The following SLC22A23 variants were observed in gnomAD, a reference collection of about 807,000 sequenced individuals.
SLC22A23 encodes the protein solute carrier family 22 member 23.
Under a neutral mutation model 61.0 loss-of-function variants are expected in SLC22A23, and 26 were observed. That is an observed-to-expected ratio of 0.43 (90% CI 0.31 to 0.59). The LOEUF is 0.59. Ranked by LOEUF, SLC22A23 falls within the 20% of genes least tolerant of loss-of-function variation. The pLI, the probability that SLC22A23 is intolerant of heterozygous loss-of-function variation, is 0.11. For synonymous variants in SLC22A23, 430 were observed against 413.9 expected (o/e 1.04, Z -0.47); for missense variants, 796 against 934.7 (o/e 0.85, Z 1.94).
intron 3 of SLC22A23, among the ~76,000 whole-genome samples, chr6:3,341,745 C>G (rs974292494): frequency 7.0e-6 from 1 of 143,414 alleles, no homozygotes; most frequent in African/African-American, 2.6e-5. Flanking sequence ...CATTGGTCAT[C>G]TGTTGTGACC....
intron 1 of SLC22A23, among the ~76,000 whole-genome samples, chr6:3,417,802 TG>T (rs1220102250): frequency 1.3e-5 from 2 of 152,234 alleles, no homozygotes; most frequent in East Asian, 3.8e-4. Context: ...GCAAAAACGC[TG>T]TGGGAACCAT....
At chr6:3,428,730 T>A (rs1770666153) in intron 1 of SLC22A23, among the ~76,000 whole-genome samples, 1 of 152,220 alleles carries the variant, frequency 6.6e-6, no homozygotes, top group South Asian at 2.1e-4. Context: ...AACTGGACTC[T>A]CCTCCCTGTC....
chr6:3,280,958 T>C (rs574569116), intron 9 of SLC22A23, among the ~76,000 whole-genome samples: 6 of 152,262 alleles, frequency 3.9e-5, no homozygotes, highest in Admixed American at 2.0e-4. Context: ...GTCCGACTTA[T>C]GATCTAGAAA....
At chr6:3,295,794 G>A (rs1761037662) in intron 5 of SLC22A23, among the ~76,000 whole-genome samples, 1 of 152,188 alleles carries the variant, frequency 6.6e-6, no homozygotes, top group Non-Finnish European at 1.5e-5. Context: ...GTGGAAGAGA[G>A]CAGAGTCCAC....
At chr6:3,287,964 T>C (rs34398572) in intron 6 of SLC22A23, among the ~76,000 whole-genome samples, 9,212 of 152,212 alleles carry the variant, frequency 0.061, 616 homozygotes, top group African/African-American at 0.17. Flanking sequence ...GGATTACAGG[T>C]GTGAGCCACC....
intron 1 of SLC22A23, among the ~76,000 whole-genome samples, chr6:3,449,085 G>A (rs1772051114): frequency 6.6e-6 from 1 of 152,210 alleles, no homozygotes. Flanking sequence ...TTAGGACGTT[G>A]TTACAAGCAA....
At position 3,452,599 on chromosome 6, in the gene SLC22A23, T is replaced by TAAAAAA. The variant is rs570923626; in HGVS notation, c.654+3301_654+3306dup. 2.2e-4 allele frequency among the ~76,000 whole-genome samples: 9 copies of TAAAAAA among 40,560 alleles called. 1 individual carries two copies. The highest frequency in any genetic ancestry group is 9.6e-4 in the East Asian group (1 of 1,040). The allele number at this position is 40,560 out of a possible 152,430, so 26.6% of individuals were successfully genotyped here. A position where few individuals can be genotyped will look rare whatever the true frequency, so the allele number is the denominator to read the frequency against. ...CTGGGCAACAGAGCCAGACGCTGTC[T>TAAAAAA]AAAAAAAAAAAAAAAAAAAAAAAAA... On this transcript the variant is annotated intron_variant, in intron 1 of 9. Coordinates refer to ENST00000406686, the MANE Select transcript of SLC22A23 (RefSeq NM_015482.2).
chr6:3,439,213 T>TC (rs1771425357), intron 1 of SLC22A23: 4 of 371,984 alleles, frequency 1.1e-5, no homozygotes, highest in South Asian at 8.2e-5. Context: ...AGTAGCACCC[T>TC]CCCCCCATGC....
intron 4 of SLC22A23, among the ~76,000 whole-genome samples, chr6:3,298,743 C>A (rs371093433): frequency 6.6e-6 from 1 of 151,924 alleles, no homozygotes. Flanking sequence ...GAGGCCGAGG[C>A]GGGTGGATCA....
At position 3,318,925 on chromosome 6, in the gene SLC22A23, C is replaced by T. The variant is rs1762793252; in HGVS notation, c.1082+4909G>A. Among the ~76,000 whole-genome samples, 1 of 152,180 alleles carries T rather than the reference C, an allele frequency of 6.6e-6. No individual in the cohort carries two copies. Among genetic ancestry groups the T allele is most frequent in the Non-Finnish European group, 1.5e-5 (1 of 68,028 alleles). ...CCTCAGATCCATCAGCAAGTCTCAC[C>T]AGGGCCACTCTCAAAGCATCTCTCG... On this transcript the variant is annotated intron_variant, in intron 4 of 9. Coordinates refer to ENST00000406686, the MANE Select transcript of SLC22A23 (RefSeq NM_015482.2). This position sits in a 1 kb window ranked among gnomAD's most constrained non-coding sequence, Gnocchi z 4.3.
chr6:3,421,840 T>G lies in SLC22A23; in HGVS notation c.655-5985A>C, dbSNP rs78126592. 8.6e-3 allele frequency among the ~76,000 whole-genome samples: 1,317 copies of G among 152,266 alleles called. 26 individuals are homozygous for G. The highest frequency in any genetic ancestry group is 0.03 in the African/African-American group (1,254 of 41,548). On this transcript the variant is annotated intron_variant, in intron 1 of 9. Transcript: ENST00000406686. The stretch of plus-strand genomic sequence containing the variant: ...AAACACGTATTTTAAGACAATCCTA[T>G]AAATCAGGCCTACAGGAAGCTTATT...
chr6:3,272,836 G>A lies in SLC22A23; in HGVS notation c.*219C>T, dbSNP rs149464368. 1.6e-4 allele frequency: 76 copies of A among 474,032 alleles called. No homozygotes were observed. Among genetic ancestry groups the A allele is most frequent in the African/African-American group, 1.1e-3 (53 of 50,220 alleles). The allele number at this position is 474,032 out of a possible 1,614,324, so 29.4% of individuals were successfully genotyped here. On this transcript the variant is annotated 3_prime_UTR_variant, in exon 10 of 10. Transcript: ENST00000406686. ...ACCAAAATAAATACACACATTTAAC[G>A]GCAGAAAAGAAAGTCTTGAAAGGGT...
chr6:3,427,183 G>A lies in SLC22A23; in HGVS notation c.655-11328C>T, dbSNP rs796160358. ...TTTTAACATCTATGACGTAGGAGTC[G>A]CAAAACCTTCACCAGAGGGTTGTTA... On this transcript the variant is annotated intron_variant, in intron 1 of 9. Coordinates refer to ENST00000406686, the MANE Select transcript of SLC22A23 (RefSeq NM_015482.2). This position sits in a 1 kb window ranked among gnomAD's most constrained non-coding sequence, Gnocchi z 4.3. Among the ~76,000 whole-genome samples the A allele has an allele frequency of 1.4e-4, 21 of 152,226 alleles. No individual in the cohort carries two copies. The highest frequency in any genetic ancestry group is 2.6e-4 in the Non-Finnish European group (18 of 68,016).
intron 3 of SLC22A23, among the ~76,000 whole-genome samples, chr6:3,401,690 C>A (rs997901074): frequency 7.2e-5 from 11 of 152,192 alleles, no homozygotes; most frequent in South Asian, 2.1e-4. Flanking sequence ...TCTGACTCTC[C>A]ACTGACCACA....
rs947388392 is a variant in SLC22A23, at chr6:3,380,938, G to A, written c.913+29250C>T. On this transcript the variant is annotated intron_variant, in intron 3 of 9. Coordinates refer to ENST00000406686, the MANE Select transcript of SLC22A23 (RefSeq NM_015482.2). ...GGTAACTGAATGCTCCAGCCCAGAA[G>A]TGACAGGTCACTTCCACTCGCAGCT... Among the ~76,000 whole-genome samples, 56 of 152,290 alleles carry A rather than the reference G, an allele frequency of 3.7e-4. 1 individual carries two copies. Among genetic ancestry groups the A allele is most frequent in the African/African-American group, 1.2e-3 (51 of 41,554 alleles).
chr6:3,273,438 T>A (rs775359130), intron 9 of SLC22A23, 26 bp from the exon 10 acceptor site: 4 of 1,608,812 alleles, frequency 2.5e-6, no homozygotes, highest in Non-Finnish European at 3.4e-6. Context: ...AGCACAGGGA[T>A]TGCTGCTGTG....
intron 3 of SLC22A23, among the ~76,000 whole-genome samples, chr6:3,392,689 A>C (rs1305692042): frequency 2.0e-5 from 3 of 152,176 alleles, no homozygotes; most frequent in African/African-American, 7.2e-5. Flanking sequence ...AGAGAGAAGA[A>C]AGGGTGACTC....
intron 3 of SLC22A23, among the ~76,000 whole-genome samples, chr6:3,400,322 A>G (rs921880480): frequency 3.3e-5 from 5 of 152,242 alleles, no homozygotes; most frequent in African/African-American, 4.8e-5. Flanking sequence ...AAGCTACCAG[A>G]CAGCCACAGT....
intron 1 of SLC22A23, among the ~76,000 whole-genome samples, chr6:3,441,855 G>A (rs1022660343): frequency 6.6e-5 from 10 of 152,174 alleles, no homozygotes; most frequent in Non-Finnish European, 1.3e-4. Flanking sequence ...ACCAGCCCAG[G>A]GCAGATGTTC....
Sources: gnomAD v4.1 joint callset for allele counts (sites outside exome capture counted in the v4.1 genomes callset) on GRCh38, gnomAD v4.1.1 for gene constraint, Gnocchi (gnomAD v3.1) non-coding constraint, MANE v1.5 for transcripts, NCBI Gene and HGNC (gene_info 2026-07-23, HGNC 2026-07-21) for gene names.